The following SNX33 variants were observed in gnomAD, a reference collection of about 807,000 sequenced individuals.
SNX33 encodes the protein sorting nexin 33.
Under a neutral mutation model 38.8 loss-of-function variants are expected in SNX33, and 19 were observed. The observed-to-expected ratio is 0.49, with a 90% CI of 0.34 to 0.72. SNX33 has a LOEUF of 0.72. SNX33 is among the 30% of genes least tolerant of loss of function. The pLI, the probability that SNX33 is intolerant of heterozygous loss-of-function variation, is 0.01. For missense variants in SNX33, 641 were observed against 776.4 expected (o/e 0.83, Z 2.07); for synonymous variants, 246 against 289.7 (o/e 0.85, Z 1.53).
At position 75,649,139 on chromosome 15, in the gene SNX33, A is replaced by C; in HGVS notation, c.37A>C (p.Ser13Arg). 1 of 1,610,130 alleles carries C rather than the reference A, an allele frequency of 6.2e-7. No individual in the cohort carries two copies. Among genetic ancestry groups the C allele is most frequent in the Non-Finnish European group, 8.5e-7 (1 of 1,177,490 alleles). ...AGGCCGAGCCCTCTATGACTTTCAC[A>C]GTGAGAACAAGGAGGAAATCAGCAT... is the stretch of plus-strand genomic sequence containing the variant. The part of the protein sequence containing the change: ...LKGRALYDFH[S>R]ENKEEISIQQ... Residue 13 changes from serine (S) to arginine (R), a missense_variant, in exon 1 of 2, where the codon AGT (serine) becomes CGT (arginine). By Grantham distance (110) the Ser-to-Arg change is moderately radical. Transcript: ENST00000308527. The surrounding 1 kb of genome is among the most constrained non-coding windows in gnomAD (Gnocchi z 6.6).
rs1317272487 is a variant in SNX33 at position 75,659,919 on chromosome 15, CCT to C, written c.*2711_*2712del. 6.6e-6 allele frequency: 1 copy of C among 151,682 alleles called. No homozygotes were observed. Among genetic ancestry groups the C allele is most frequent in the Non-Finnish European group, 1.5e-5 (1 of 68,006 alleles). 9.4% of individuals were successfully genotyped at this position (151,682 alleles called of 1,614,324 possible). ...CAGGGAGGGAGGCTGTCCTGGCCCT[CCT>C]CTCTCTTTTCTTTCTGCCTCTATGG... On this transcript the variant is annotated 3_prime_UTR_variant, in exon 2 of 2. Coordinates refer to ENST00000308527, the MANE Select transcript of SNX33 (RefSeq NM_153271.2).
Position 75,650,399 on chromosome 15 carries a change from C to A in SNX33, c.1297C>A (p.Pro433Thr), listed in dbSNP as rs149725521. ...CAGTCATTCCTTCCAGATGGACCCC[C>A]CCTTTTGCTCTGAGGCCCTCAACAG... is the stretch of plus-strand genomic sequence containing the variant. ...AISHSFQMDP[P>T]FCSEALNSAI... The change falls in exon 1 of 2, where the codon CCC becomes ACC. Residue 433 changes from proline to threonine, a missense_variant. Pro to Thr is a conservative substitution (Grantham distance 38). Coordinates refer to ENST00000308527, the MANE Select transcript of SNX33 (RefSeq NM_153271.2). The surrounding 1 kb of genome is among the most constrained non-coding windows in gnomAD (Gnocchi z 6.1). 189 of 1,613,758 alleles carry A rather than the reference C, an allele frequency of 1.2e-4. No homozygotes were observed. Among genetic ancestry groups the A allele is most frequent in the Non-Finnish European group, 1.5e-4 (181 of 1,179,880 alleles).
In SNX33 at chr15:75,648,969, C is replaced by A; in HGVS notation, c.-134C>A. 1 of 1,159,258 alleles carries A rather than the reference C, an allele frequency of 8.6e-7. No individual in the cohort carries two copies. The allele number at this position is 1,159,258 out of a possible 1,614,324, so 71.8% of individuals were successfully genotyped here. On this transcript the variant is annotated 5_prime_UTR_variant, in exon 1 of 2. Transcript: ENST00000308527. The surrounding 1 kb of genome is among the most constrained non-coding windows in gnomAD (Gnocchi z 4.4). The stretch of plus-strand genomic sequence containing the variant: ...GACAGCATCTGTGGGTGCTGAGACC[C>A]CACCTTAGGACCTGAGAGATTGAAC...
At position 75,649,316 on chromosome 15, in the gene SNX33, A is replaced by C; in HGVS notation, c.214A>C (p.Ser72Arg). The change falls in exon 1 of 2, where the codon AGC becomes CGC. Residue 72 changes from serine (S) to arginine (R), a missense_variant. Physicochemically the swap from Ser to Arg is moderately radical, Grantham distance 110. This residue lies in a region of SNX33 where 243 missense variants were observed against 233.9 expected (regional missense o/e 1.04). Coordinates refer to ENST00000308527, the MANE Select transcript of SNX33 (RefSeq NM_153271.2). This position sits in a 1 kb window ranked among gnomAD's most constrained non-coding sequence, Gnocchi z 6.6. Reference sequence around the variant, plus strand: ...CAGCACCAACCATGCTGACTACTCCAGCAGCCCTGCAGGCTCTCCCGGAGC... The same window carrying C: ...CAGCACCAACCATGCTGACTACTCCCGCAGCCCTGCAGGCTCTCCCGGAGC... ...GISTNHADYS[S>R]SPAGSPGAQV... The C allele has an allele frequency of 1.9e-6, 3 of 1,599,306 alleles. 1 individual carries two copies. Among genetic ancestry groups the C allele is most frequent in the South Asian group, 2.2e-5 (2 of 89,238 alleles).
In SNX33 at chr15:75,648,362, C is replaced by A; in HGVS notation, c.-741C>A. On this transcript the variant is annotated 5_prime_UTR_variant, in exon 1 of 2. Coordinates refer to ENST00000308527, the MANE Select transcript of SNX33 (RefSeq NM_153271.2). This position sits in a 1 kb window ranked among gnomAD's most constrained non-coding sequence, Gnocchi z 4.4. ...TGGGGCGGGGAGAGGGCGCCCGAGC[C>A]GGCGGGGGCTCCGGCTGCGCAGCCG... The A allele has an allele frequency of 1.0e-6, 1 of 985,104 alleles. No individual in the cohort carries two copies. The allele number at this position is 985,104 out of a possible 1,614,324, so 61.0% of individuals were successfully genotyped here. A position where few individuals can be genotyped will look rare whatever the true frequency, so the allele number is the denominator to read the frequency against.
At chr15:75,655,177 C>A (rs1375280586) in intron 1 of SNX33, among the ~76,000 whole-genome samples, 2 of 152,258 alleles carry the variant, frequency 1.3e-5, no homozygotes, top group East Asian at 3.8e-4. Context: ...TGGTGTCCGA[C>A]CCCCAGCTGT....
rs750977657 is a variant in SNX33 at position 75,649,640 on chromosome 15, G to A, written c.538G>A (p.Gly180Ser). 18 of 1,607,924 alleles carry A rather than the reference G, an allele frequency of 1.1e-5. No homozygotes were observed. Among genetic ancestry groups the A allele is most frequent in the Admixed American group, 8.5e-5 (5 of 58,758 alleles). The change falls in exon 1 of 2, where the codon GGC becomes AGC. Residue 180 changes from glycine (G) to serine (S), a missense_variant. Around this residue, in one of 2 missense-constraint regions of SNX33, gnomAD observed 243 missense variants for 233.9 expected, o/e 1.04. Coordinates refer to ENST00000308527, the MANE Select transcript of SNX33 (RefSeq NM_153271.2). This position sits in a 1 kb window ranked among gnomAD's most constrained non-coding sequence, Gnocchi z 6.6. ...ATCTGCCAAGCGAGGCAGTGTGGTG[G>A]GCCGTAACCTCAACCGTTTCTCATG... ...LASAKRGSVV[G>S]RNLNRFSCFV... is the part of the protein sequence containing the mutation.
rs1483747972 is a variant in SNX33, at chr15:75,659,570, T to C, written c.*2355T>C. 6.6e-6 allele frequency: 1 copy of C among 152,430 alleles called. No individual in the cohort carries two copies. The highest frequency in any genetic ancestry group is 2.4e-5 in the African/African-American group (1 of 41,452). 9.4% of individuals were successfully genotyped at this position (152,430 alleles called of 1,614,324 possible). A position where few individuals can be genotyped will look rare whatever the true frequency, so the allele number is the denominator to read the frequency against. On this transcript the variant is annotated 3_prime_UTR_variant, in exon 2 of 2. Transcript: ENST00000308527. ...CCTCTTCTCAGCTCTGCCATCCATG[T>C]AGCCATCTGCAGAAGGGGCTCTGAG...
rs888161153 is a variant in SNX33 at position 75,650,962 on chromosome 15, C to T, written c.1471+389C>T. Among the ~76,000 whole-genome samples, 10 of 152,206 alleles carry T rather than the reference C, an allele frequency of 6.6e-5. No homozygotes were observed. Among genetic ancestry groups the T allele is most frequent in the African/African-American group, 1.7e-4 (7 of 41,448 alleles). On this transcript the variant is annotated intron_variant, in intron 1 of 1. Transcript: ENST00000308527. This position sits in a 1 kb window ranked among gnomAD's most constrained non-coding sequence, Gnocchi z 6.1. ...GCAGGGATATTGTTGTGCACAGGCC[C>T]GGTCTCTGTCCTCATGGAGCTTGAT...
At chr15:75,655,578 G>A (rs1373192857) in intron 1 of SNX33, among the ~76,000 whole-genome samples, 3 of 152,232 alleles carry the variant, frequency 2.0e-5, no homozygotes, top group African/African-American at 4.8e-5. Flanking sequence ...CATGGATGTT[G>A]CCCCTTCTAA....
In SNX33 at chr15:75,652,137, C is replaced by G. The variant is rs531357690; in HGVS notation, c.1471+1564C>G. On this transcript the variant is annotated intron_variant, in intron 1 of 1. Transcript: ENST00000308527. ...GTCCCCGGGGAGTGCCTTTGCCCCT[C>G]TGGGCCTTAGTTTCCTGATCTGTAA... Among the ~76,000 whole-genome samples the G allele has an allele frequency of 1.5e-4, 23 of 152,256 alleles. No individual in the cohort carries two copies. The South Asian group carries it at 4.6e-3, about 30-fold the overall frequency.
rs1438446941 is a variant in SNX33 at position 75,658,416 on chromosome 15, C to T, written c.*1201C>T. 2.0e-5 allele frequency: 3 copies of T among 152,660 alleles called. No homozygotes were observed. The highest frequency in any genetic ancestry group is 4.4e-5 in the Non-Finnish European group (3 of 68,068). 9.5% of individuals were successfully genotyped at this position (152,660 alleles called of 1,614,324 possible). On this transcript the variant is annotated 3_prime_UTR_variant, in exon 2 of 2. Transcript: ENST00000308527. This position sits in a 1 kb window ranked among gnomAD's most constrained non-coding sequence, Gnocchi z 4.1. ...GTCTGCCTCGCTGGAATGTGGGCCC[C>T]TGCTCCCCGTCAGGTTGTGCTGTCT...
At position 75,649,454 on chromosome 15, in the gene SNX33, G is replaced by A. The variant is rs775099131; in HGVS notation, c.352G>A (p.Asp118Asn). Reference protein sequence around the residue: ...SFEEDDDDDWDDWDDGCTVVE... With the variant: ...SFEEDDDDDWNDWDDGCTVVE... ...TGAGGAGGATGATGATGATGACTGG[G>A]ATGACTGGGACGACGGATGCACAGT... The change falls in exon 1 of 2, where the codon GAT (aspartate) becomes AAT (asparagine). Residue 118 changes from aspartate (D) to asparagine (N), a missense_variant. Transcript: ENST00000308527. The surrounding 1 kb of genome is among the most constrained non-coding windows in gnomAD (Gnocchi z 6.6). 1.4e-5 allele frequency: 22 copies of A among 1,537,724 alleles called. No homozygotes were observed. Among genetic ancestry groups the A allele is most frequent in the African/African-American group, 5.5e-5 (4 of 72,968 alleles).
intron 1 of SNX33, among the ~76,000 whole-genome samples, chr15:75,651,587 G>A (rs1448176047): frequency 1.3e-5 from 2 of 152,312 alleles, no homozygotes; most frequent in East Asian, 3.9e-4. Flanking sequence ...CTGTCCACAT[G>A]GCCTATCCAA....
At position 75,656,992 on chromosome 15, in the gene SNX33, G is replaced by A. The variant is rs146422729; in HGVS notation, c.1502G>A (p.Arg501His). Reference sequence around the variant, plus strand: ...TTCGCCAAGGTGAAGGAGAGCCAACGCATGAGTGACGAGGGCCGCATGGTG... The same window carrying A: ...TTCGCCAAGGTGAAGGAGAGCCAACACATGAGTGACGAGGGCCGCATGGTG... ...GAFAKVKESQ[R>H]MSDEGRMVQD... is the part of the protein sequence containing the mutation. The change falls in exon 2 of 2, where the codon CGC (arginine) becomes CAC (histidine). Residue 501 changes from arginine (R) to histidine (H), a missense_variant. Arg to His is a conservative substitution (Grantham distance 29). Transcript: ENST00000308527. The A allele has an allele frequency of 1.2e-5, 20 of 1,613,726 alleles. No homozygotes were observed. Among genetic ancestry groups the A allele is most frequent in the African/African-American group, 1.2e-4 (9 of 74,926 alleles).
intron 1 of SNX33, among the ~76,000 whole-genome samples, chr15:75,655,845 T>C (rs1459750801): frequency 6.6e-6 from 1 of 152,172 alleles, no homozygotes; most frequent in Non-Finnish European, 1.5e-5. Context: ...GCTCCTAATC[T>C]TCTTTGTATG....
Position 75,658,639 on chromosome 15 carries a change from C to T in SNX33, c.*1424C>T, listed in dbSNP as rs1893685760. 1 of 152,638 alleles carries T rather than the reference C, an allele frequency of 6.6e-6. No homozygotes were observed. The highest frequency in any genetic ancestry group is 2.4e-5 in the African/African-American group (1 of 41,452). The allele number at this position is 152,638 out of a possible 1,614,324, so 9.5% of individuals were successfully genotyped here. A position where few individuals can be genotyped will look rare whatever the true frequency, so the allele number is the denominator to read the frequency against. On this transcript the variant is annotated 3_prime_UTR_variant, in exon 2 of 2. Coordinates refer to ENST00000308527, the MANE Select transcript of SNX33 (RefSeq NM_153271.2). The surrounding 1 kb of genome is among the most constrained non-coding windows in gnomAD (Gnocchi z 4.1). ...CCTTTTACAATTAAGATAACACAAG[C>T]ATGACTTTTTCTGTTTGGATCCCAG...
At chr15:75,654,684 G>T (rs1893631007) in intron 1 of SNX33, among the ~76,000 whole-genome samples, 1 of 152,224 alleles carries the variant, frequency 6.6e-6, no homozygotes, top group Admixed American at 6.5e-5. Context: ...CCAGCCTGTG[G>T]GGTGGGGTGC....
Position 75,658,990 on chromosome 15 carries a change from G to A in SNX33, c.*1775G>A, listed in dbSNP as rs1893690335. The A allele has an allele frequency of 6.6e-6, 1 of 152,236 alleles. No homozygotes were observed. The highest frequency in any genetic ancestry group is 2.4e-5 in the African/African-American group (1 of 41,456). 9.4% of individuals were successfully genotyped at this position (152,236 alleles called of 1,614,324 possible). ...TGCCCTAGGACAATTAATAGATGGT[G>A]GCTCCTCTCCCCAAGGAGCCATGCC... On this transcript the variant is annotated 3_prime_UTR_variant, in exon 2 of 2. Transcript: ENST00000308527. This position sits in a 1 kb window ranked among gnomAD's most constrained non-coding sequence, Gnocchi z 4.1.
Sources: gnomAD v4.1 joint callset for allele counts (sites outside exome capture counted in the v4.1 genomes callset) on GRCh38, gnomAD v4.1.1 for gene constraint, gnomAD v4.1.1 regional missense constraint, Gnocchi (gnomAD v3.1) non-coding constraint, MANE v1.5 for transcripts, NCBI Gene and HGNC (gene_info 2026-07-23, HGNC 2026-07-21) for gene names.